FKBP11: variants seen among roughly 807,000 people sequenced by gnomAD.
The protein encoded by FKBP11 is peptidyl-prolyl cis-trans isomerase FKBP11.
FKBP11 carries 21 observed loss-of-function variants against 24.7 expected under a neutral mutation model. That is an observed-to-expected ratio of 0.85 (90% CI 0.60 to 1.23). FKBP11 has a LOEUF of 1.23. Ranked by LOEUF, FKBP11 falls within the 50% of genes most tolerant of loss-of-function variation. The pLI, the probability that FKBP11 is intolerant of heterozygous loss-of-function variation, is 0.00. For synonymous variants in FKBP11, 106 were observed against 100.6 expected (o/e 1.05, Z -0.32); for missense variants, 245 against 248.7 (o/e 0.99, Z 0.10).
At chr12:48,931,351 T>C, upstream of FKBP11, 9 of 1,384,204 alleles carry the variant, frequency 6.5e-6, no homozygotes, top group Non-Finnish European at 7.9e-6. Flanking sequence ...AGGAGTGGAG[T>C]AGGAGAAGGT....
At chr12:48,922,508 C>T in intron 5 of FKBP11, 2 of 1,007,476 alleles carry the variant, frequency 2.0e-6, no homozygotes. Context: ...GGAGAACCCT[C>T]TATACTAACT....
intron 5 of FKBP11, chr12:48,922,675 AAG>A: frequency 1.0e-6 from 1 of 993,156 alleles, no homozygotes; most frequent in African/African-American, 1.7e-5. Context: ...GCTGAAGAGG[AAG>A]AAGGATGAGG....
the FKBP11 span, chr12:48,938,449 A>C: frequency 1.8e-5 from 8 of 453,254 alleles, no homozygotes; most frequent in South Asian, 3.1e-5. Flanking sequence ...GGCCCCCACA[A>C]ATATATCTCT....
intron 2 of FKBP11, 59 bp downstream of exon 2, chr12:48,924,987 G>GT (rs1445115709): frequency 6.4e-7 from 1 of 1,560,842 alleles, no homozygotes; most frequent in African/African-American, 1.4e-5. Context: ...CAAAGCTGAC[G>GT]TGTTTCAGCA....
At chr12:48,922,553 TAG>T (rs1248167011) in intron 5 of FKBP11, 34 of 1,016,638 alleles carry the variant, frequency 3.3e-5, no homozygotes, top group African/African-American at 2.9e-4. Context: ...ACCACACGGA[TAG>T]AGTCTTTGCA....
At chr12:48,930,208 A>T (rs924878440), upstream of FKBP11, among the ~76,000 whole-genome samples, 3 of 152,262 alleles carry the variant, frequency 2.0e-5, no homozygotes, top group African/African-American at 7.2e-5. Flanking sequence ...AAAATCTCTA[A>T]GACAAATGTA....
At chr12:48,923,965 A>AT (rs757834923) in intron 4 of FKBP11, 113 bp from the exon 5 acceptor site, 1 of 1,120,348 alleles carries the variant, frequency 8.9e-7, no homozygotes, top group South Asian at 1.2e-5. Flanking sequence ...CAAAACACGA[A>AT]TTTTTCCACC....
At position 48,923,799 on chromosome 12, in the gene FKBP11, A is replaced by T; in HGVS notation, c.371T>A (p.Phe124Tyr). 2.5e-6 allele frequency: 4 copies of T among 1,614,086 alleles called. No individual in the cohort carries two copies. Among genetic ancestry groups the T allele is most frequent in the Non-Finnish European group, 3.4e-6 (4 of 1,179,986 alleles). The change falls in exon 5 of 6, where the codon TTT becomes TAT. Residue 124 changes from phenylalanine (F) to tyrosine (Y), a missense_variant. Transcript: ENST00000550765. ...CAGATTACCTGGGACAGATGGTGGA[A>T]ATCCCCGTTTTCCATAGGCCAAGTG... is the stretch of plus-strand genomic sequence containing the variant. ...PSHLAYGKRG[F>Y]PPSVPADAVV...
At chr12:48,928,043 CTTTTTTTTTTTT>C (rs34076093), upstream of FKBP11, among the ~76,000 whole-genome samples, 2 of 88,450 alleles carry the variant, frequency 2.3e-5, no homozygotes, top group Admixed American at 1.5e-4. Flanking sequence ...TGCCAGATAC[CTTTTTTTTTTTT>C]TTTTTTTTTT....
At chr12:48,933,539 T>G in the FKBP11 span, among the ~76,000 whole-genome samples, 1 of 151,994 alleles carries the variant, frequency 6.6e-6, no homozygotes, top group Non-Finnish European at 1.5e-5. Flanking sequence ...CCATCTCTAC[T>G]AAAAATAGAA....
At chr12:48,934,921 A>T in the FKBP11 span, among the ~76,000 whole-genome samples, 7 of 148,138 alleles carry the variant, frequency 4.7e-5, no homozygotes, top group Non-Finnish European at 1.0e-4. Flanking sequence ...CTGAAGCAGG[A>T]GAATTGCTTG....
At position 48,925,094 on chromosome 12, in the gene FKBP11, T is replaced by C; in HGVS notation, c.147A>G (p.Pro49=). Residue 49 remains proline (P), a synonymous_variant, in exon 2 of 6, where the codon CCA becomes CCG. Coordinates refer to ENST00000550765, the MANE Select transcript of FKBP11 (RefSeq NM_016594.3). ...QVETLVEPPE[P]CAEPAAFGDT... ...CTCCAAAAGCAGCGGGCTCGGCACA[T>C]GGTTCTGGGGGCTCCACCTACGATC... The C allele has an allele frequency of 1.3e-6, 2 of 1,530,622 alleles. No homozygotes were observed. The highest frequency in any genetic ancestry group is 2.6e-5 in the East Asian group (1 of 38,032). 94.8% of individuals were successfully genotyped at this position (1,530,622 alleles called of 1,614,324 possible). A position where few individuals can be genotyped will look rare whatever the true frequency, so the allele number is the denominator to read the frequency against.
chr12:48,922,390 C>G (rs1179083463), intron 5 of FKBP11, 189 bp from the exon 6 acceptor site: 6 of 682,136 alleles, frequency 8.8e-6, no homozygotes, highest in Non-Finnish European at 1.3e-5. Context: ...CAGTGATAAT[C>G]ATGTTGACCC....
At chr12:48,922,223 G>A in intron 5 of FKBP11, 22 bp from the exon 6 acceptor site, 1 of 1,603,176 alleles carries the variant, frequency 6.2e-7, no homozygotes, top group Admixed American at 1.7e-5. Flanking sequence ...GAGGGGTGGA[G>A]AGGGTTAGAC....
Position 48,924,587 on chromosome 12 carries a change from T to G in FKBP11, c.257A>C (p.Glu86Ala), listed in dbSNP as rs761192827. The change falls in exon 3 of 6, where the codon GAA (glutamate) becomes GCA (alanine). Residue 86 changes from glutamate to alanine, a missense_variant. Coordinates refer to ENST00000550765, the MANE Select transcript of FKBP11 (RefSeq NM_016594.3). ...TSLTRDPLVI[E>A]LGQKQVIPGL... ...TGGAATCACCTGCTTTTGGCCAAGTTCTATAACCAGAGGGTCTCTGGTCAG... is the reference window on the plus strand; with the variant it reads ...TGGAATCACCTGCTTTTGGCCAAGTGCTATAACCAGAGGGTCTCTGGTCAG... 6.2e-7 allele frequency: 1 copy of G among 1,614,002 alleles called. No individual in the cohort carries two copies. Among genetic ancestry groups the G allele is most frequent in the Non-Finnish European group, 8.5e-7 (1 of 1,179,962 alleles).
rs1340597594 is a variant in FKBP11 at position 48,922,132 on chromosome 12, A to C, written c.458T>G (p.Val153Gly). The change falls in exon 6 of 6, where the codon GTG (valine) becomes GGG (glycine). Residue 153 changes from valine to glycine, a missense_variant. Physicochemically the swap from Val to Gly is moderately radical, Grantham distance 109. Coordinates refer to ENST00000550765, the MANE Select transcript of FKBP11 (RefSeq NM_016594.3). ...LIRANYWLKL[V>G]KGILPLVGMA... ...CCCTACCAGAGGCAAAATGCCCTTC[A>C]CCAGCTTTAGCCAGTAGTTGGCTCG... The C allele has an allele frequency of 6.2e-7, 1 of 1,614,158 alleles. No individual in the cohort carries two copies. The highest frequency in any genetic ancestry group is 2.2e-5 in the East Asian group (1 of 44,882).
Position 48,925,437 on chromosome 12 carries a change from G to A in FKBP11, c.-9C>T. 1 of 1,556,172 alleles carries A rather than the reference G, an allele frequency of 6.4e-7. No individual in the cohort carries two copies. Among genetic ancestry groups the A allele is most frequent in the Non-Finnish European group, 8.7e-7 (1 of 1,151,630 alleles). On this transcript the variant is annotated 5_prime_UTR_variant, in exon 1 of 6. Coordinates refer to ENST00000550765, the MANE Select transcript of FKBP11 (RefSeq NM_016594.3). The stretch of plus-strand genomic sequence containing the variant: ...GAGGGGCGCAGGGTCATGACTGGGC[G>A]CGGGGCAGGGAGCCGGGGCACCAGG...
chr12:48,925,166 C>G, intron 1 of FKBP11, 55 bp from the exon 2 acceptor site: 3 of 1,600,864 alleles, frequency 1.9e-6, no homozygotes, highest in Non-Finnish European at 2.6e-6. Flanking sequence ...CGTTCTCGCC[C>G]CTAGACCCGG....
chr12:48,923,247 T>C (rs2137553897), intron 5 of FKBP11: 1 of 1,346,066 alleles, frequency 7.4e-7, no homozygotes, highest in Non-Finnish European at 9.6e-7. Flanking sequence ...GATATGCATC[T>C]TGGGAAATCT....
Sources: gnomAD v4.1 joint callset for allele counts (sites outside exome capture counted in the v4.1 genomes callset) on GRCh38, gnomAD v4.1.1 for gene constraint, MANE v1.5 for transcripts, NCBI Gene and HGNC (gene_info 2026-07-23, HGNC 2026-07-21) for gene names.